Variants in MTR observed in about 807,000 individuals in gnomAD.
MTR encodes 5-methyltetrahydrofolate-homocysteine methyltransferase.
A neutral mutation model predicts 154.8 loss-of-function variants in MTR; 84 were observed. That is an observed-to-expected ratio of 0.54 (90% CI 0.45 to 0.65). The LOEUF (loss-of-function observed/expected upper bound fraction) is 0.65. MTR is among the 30% of genes least tolerant of loss of function. MTR has a pLI of 0.00. For synonymous variants in MTR, 554 were observed against 553.9 expected, an observed-to-expected ratio of 1.00 and a Z score of 0.00; for missense variants, 1,275 against 1,570.2, an observed-to-expected ratio of 0.81 and a Z score of 3.18.
chr1:236,890,501 G>T (rs548456633), intron 28 of MTR, among the ~76,000 whole-genome samples: 1 of 152,218 alleles, frequency 6.6e-6, no homozygotes, highest in South Asian at 2.1e-4. Context: ...GGGGGACGGG[G>T]CCTGTGCCTT....
intron 1 of MTR, 87 bp from the exon 2 acceptor site, chr1:236,803,341 G>A (rs1660796171): frequency 7.9e-7 from 1 of 1,269,012 alleles, no homozygotes; most frequent in Non-Finnish European, 1.1e-6. Context: ...CCTTATTGGA[G>A]ATTATTATAA....
intron 22 of MTR, among the ~76,000 whole-genome samples, chr1:236,870,644 G>A (rs1665075657): frequency 6.6e-6 from 1 of 152,118 alleles, no homozygotes; most frequent in African/African-American, 2.4e-5. Flanking sequence ...ATCATCTGAT[G>A]TACTGACAAG....
At chr1:236,874,199 T>A (rs1242131026) in intron 23 of MTR, among the ~76,000 whole-genome samples, 1 of 152,206 alleles carries the variant, frequency 6.6e-6, no homozygotes, top group Non-Finnish European at 1.5e-5. Context: ...AAGTAATTAT[T>A]GCAACTTTAA....
chr1:236,892,545 T>C (rs997028911), intron 29 of MTR, among the ~76,000 whole-genome samples: 2 of 152,152 alleles, frequency 1.3e-5, no homozygotes, highest in Admixed American at 1.3e-4. Context: ...TTCATAATCA[T>C]CCATATTTTT....
chr1:236,838,291 C>G (rs1663023651), intron 14 of MTR, 123 bp from the exon 15 acceptor site: 2 of 965,870 alleles, frequency 2.1e-6, no homozygotes. Context: ...CTATCTCTGA[C>G]ATACTACTAT....
chr1:236,880,286 T>A (rs1408743121), intron 24 of MTR, among the ~76,000 whole-genome samples: 8 of 152,352 alleles, frequency 5.3e-5, no homozygotes, highest in African/African-American at 1.9e-4. Flanking sequence ...GGAGTGTTGA[T>A]GTCTCCCATG....
rs749672025 is a variant in MTR, at chr1:236,825,140, A to AT, written c.866-180dup. 7.0e-3 allele frequency among the ~76,000 whole-genome samples: 804 copies of AT among 114,118 alleles called. 12 individuals are homozygous for AT. Among genetic ancestry groups the AT allele is most frequent in the Middle Eastern group, 0.015 (3 of 206 alleles). The allele number at this position is 114,118 out of a possible 152,430, so 74.9% of individuals were successfully genotyped here. Reference sequence around the variant, plus strand: ...ATAATGGAGTTCATTTTCCTCTGTGATTTTTTTTTTTTTTTTTTAGTTTTT... The same window carrying AT: ...ATAATGGAGTTCATTTTCCTCTGTGATTTTTTTTTTTTTTTTTTTAGTTTTT... On this transcript the variant is annotated intron_variant, in intron 9 of 32. Coordinates refer to ENST00000366577, the MANE Select transcript of MTR (RefSeq NM_000254.3).
intron 8 of MTR, among the ~76,000 whole-genome samples, chr1:236,817,027 G>T (rs899498477): frequency 6.6e-6 from 1 of 152,160 alleles, no homozygotes; most frequent in Non-Finnish European, 1.5e-5. Context: ...AGTATACTAT[G>T]ATAGCTCCTA....
intron 15 of MTR, among the ~76,000 whole-genome samples, chr1:236,845,513 T>C (rs747208839): frequency 4.6e-5 from 7 of 152,202 alleles, no homozygotes; most frequent in Admixed American, 2.6e-4. Flanking sequence ...AAAAATTGTT[T>C]ATACCCCTTG....
At chr1:236,865,211 G>A (rs1664759160) in intron 22 of MTR, among the ~76,000 whole-genome samples, 1 of 152,212 alleles carries the variant, frequency 6.6e-6, no homozygotes, top group South Asian at 2.1e-4. Context: ...GGCACTGAGG[G>A]TTTGCGTATC....
At chr1:236,878,789 G>A (rs1665571745) in intron 24 of MTR, among the ~76,000 whole-genome samples, 1 of 152,136 alleles carries the variant, frequency 6.6e-6, no homozygotes, top group South Asian at 2.1e-4. Flanking sequence ...CACACACTGG[G>A]CATAAAACAG....
chr1:236,863,415 A>G, intron 21 of MTR, 39 bp from the exon 22 acceptor site: 1 of 1,571,448 alleles, frequency 6.4e-7, no homozygotes, highest in Non-Finnish European at 8.8e-7. Flanking sequence ...TCCACCCTAA[A>G]CAACCCTGCC....
At position 236,812,783 on chromosome 1, in the gene MTR, T is replaced by TTCTGGA. The variant is rs758985406; in HGVS notation, c.550_555dup (p.Leu184_Asp185dup). ...GCATACCAAGAGCAGGCCAAAGGAC[T>TTCTGGA]TCTGGATGGCGGGGTTGATATCTTA... On this transcript the variant is annotated inframe_insertion, in exon 6 of 33. Coordinates refer to ENST00000366577, the MANE Select transcript of MTR (RefSeq NM_000254.3). The TTCTGGA allele has an allele frequency of 6.2e-7, 1 of 1,614,156 alleles. No homozygotes were observed. Among genetic ancestry groups the TTCTGGA allele is most frequent in the Non-Finnish European group, 8.5e-7 (1 of 1,180,004 alleles).
chr1:236,894,550 T>C lies in MTR; in HGVS notation c.3398T>C (p.Leu1133Pro), dbSNP rs1349592461. The change falls in exon 30 of 33, where the codon CTG becomes CCG. Residue 1133 changes from leucine (L) to proline (P), a missense_variant. By Grantham distance (98) the Leu-to-Pro change is moderately conservative. Transcript: ENST00000366577. ...ATGGTCAAGGCGCTGGGGGACCGGCTGGCAGAGGTAAGGCAGAGGCATTGC... is the reference window on the plus strand; with the variant it reads ...ATGGTCAAGGCGCTGGGGGACCGGCCGGCAGAGGTAAGGCAGAGGCATTGC... ...SIMVKALGDR[L>P]AEAFAEELHE... is the part of the protein sequence containing the mutation. The C allele has an allele frequency of 1.2e-6, 2 of 1,613,984 alleles. No individual in the cohort carries two copies. Among genetic ancestry groups the C allele is most frequent in the East Asian group, 2.2e-5 (1 of 44,874 alleles).
chr1:236,799,747 C>T (rs571707843), intron 1 of MTR, among the ~76,000 whole-genome samples: 1 of 151,002 alleles, frequency 6.6e-6, no homozygotes, highest in Non-Finnish European at 1.5e-5. Context: ...TGGTGACTTT[C>T]GTTTAACAGA....
chr1:236,864,412 T>C (rs1664718422), intron 22 of MTR, among the ~76,000 whole-genome samples: 1 of 152,190 alleles, frequency 6.6e-6, no homozygotes, highest in Non-Finnish European at 1.5e-5. Context: ...CCTTCAAGGC[T>C]CATTAAATGC....
rs1660337738 is a variant in MTR at position 236,795,737 on chromosome 1, G to C, written c.34G>C (p.Glu12Gln). Residue 12 changes from glutamate (E) to glutamine (Q), a missense_variant and splice_region_variant, in exon 1 of 33, where the codon GAA becomes CAA. Glu to Gln is a conservative substitution (Grantham distance 29). Coordinates refer to ENST00000366577, the MANE Select transcript of MTR (RefSeq NM_000254.3). ...CGCGCTCCAAGACCTGTCGCAACCC[G>C]GTAACGCTGCGACCCCGTCTGCGTG... ...SPALQDLSQP[E>Q]GLKKTLRDEI... 1 of 1,614,166 alleles carries C rather than the reference G, an allele frequency of 6.2e-7. No homozygotes were observed. The highest frequency in any genetic ancestry group is 8.5e-7 in the Non-Finnish European group (1 of 1,180,028).
At chr1:236,878,369 T>A (rs1665546411) in intron 24 of MTR, among the ~76,000 whole-genome samples, 1 of 152,190 alleles carries the variant, frequency 6.6e-6, no homozygotes, top group South Asian at 2.1e-4. Flanking sequence ...AGTAGCTCAT[T>A]AGCTCAGGAC....
rs544410324 is a variant in MTR at position 236,894,161 on chromosome 1, A to G, written c.3205-196A>G. On this transcript the variant is annotated intron_variant, in intron 29 of 32. Coordinates refer to ENST00000366577, the MANE Select transcript of MTR (RefSeq NM_000254.3). ...TCTCATTTCATTTGTTTATCTTACA[A>G]ATATTTATTGGATACTCACTATGTG... Among the ~76,000 whole-genome samples the G allele has an allele frequency of 1.3e-5, 2 of 152,314 alleles. No individual in the cohort carries two copies. The highest frequency in any genetic ancestry group is 2.1e-4 in the South Asian group (1 of 4,824).
Sources: gnomAD v4.1 joint callset for allele counts (sites outside exome capture counted in the v4.1 genomes callset) on GRCh38, gnomAD v4.1.1 for gene constraint, MANE v1.5 for transcripts, NCBI Gene and HGNC (gene_info 2026-07-23, HGNC 2026-07-21) for gene names.